FBXW10: variants seen among roughly 807,000 people sequenced by gnomAD.
FBXW10 encodes the protein F-box and WD repeat domain containing 10, also known as F-box/WD repeat-containing protein 10.
FBXW10 carries 68 observed loss-of-function variants against 113.1 expected under a neutral mutation model. That is an observed-to-expected ratio of 0.60 (90% CI 0.49 to 0.74). The LOEUF (loss-of-function observed/expected upper bound fraction) is 0.74. Ranked by LOEUF, FBXW10 falls within the 30% of genes least tolerant of loss-of-function variation. The probability of loss-of-function intolerance (pLI) is 0.00; values close to 1 mark genes in which losing one functional copy is unlikely to be tolerated. For missense variants in FBXW10, 753 were observed against 1,284.5 expected, an observed-to-expected ratio of 0.59 and a Z score of 6.32; for synonymous variants, 289 against 481.6, an observed-to-expected ratio of 0.60 and a Z score of 5.24.
At chr17:18,756,468 G>A (rs1036137225) in intron 6 of FBXW10, among the ~76,000 whole-genome samples, 1 of 151,618 alleles carries the variant, frequency 6.6e-6, no homozygotes, top group Non-Finnish European at 1.5e-5. Context: ...AATAATATAC[G>A]GTTATTGGAA....
chr17:18,751,808 C>T (rs543668594), intron 5 of FBXW10, among the ~76,000 whole-genome samples: 1 of 152,322 alleles, frequency 6.6e-6, no homozygotes, highest in East Asian at 1.9e-4. Flanking sequence ...TCGGCTCCCT[C>T]ATCCCTCACT....
At chr17:18,760,104 T>C (rs1023593236) in intron 7 of FBXW10, among the ~76,000 whole-genome samples, 38 of 152,166 alleles carry the variant, frequency 2.5e-4, no homozygotes, top group African/African-American at 9.2e-4. Flanking sequence ...TATGAGAATA[T>C]CTCTTCTTAT....
chr17:18,759,166 TC>T (rs2035331369), intron 7 of FBXW10, among the ~76,000 whole-genome samples: 1 of 151,796 alleles, frequency 6.6e-6, no homozygotes, highest in African/African-American at 2.4e-5. Context: ...CGAGACTCCA[TC>T]TCAAAAAAAA....
rs755097685 is a variant in FBXW10, at chr17:18,744,323, C to T, written c.79C>T (p.Arg27Trp). 36 of 1,613,306 alleles carry T rather than the reference C, an allele frequency of 2.2e-5. No homozygotes were observed. The highest frequency in any genetic ancestry group is 2.0e-4 in the South Asian group (18 of 91,048). The change falls in exon 1 of 14, where the codon CGG (arginine) becomes TGG (tryptophan). Residue 27 changes from arginine (R) to tryptophan (W), a missense_variant. Physicochemically the swap from Arg to Trp is moderately radical, Grantham distance 101 (BLOSUM62 -3). Coordinates refer to ENST00000395665, the MANE Select transcript of FBXW10 (RefSeq NM_001267585.2). ...GGGAACCGATTCCATCCCTCTATGC[C>T]GGAAGTGTGAGACGTGTGTCTTAGC... ...EKGTDSIPLC[R>W]KCETCVLAWK...
intron 7 of FBXW10, among the ~76,000 whole-genome samples, chr17:18,763,050 C>A (rs1192703597): frequency 3.3e-5 from 5 of 149,516 alleles, no homozygotes; most frequent in Non-Finnish European, 7.4e-5. Context: ...GGCTGCAAAA[C>A]CCTTGGGAAT....
Position 18,772,244 on chromosome 17 carries a change from G to A in FBXW10, c.2007-168G>A, listed in dbSNP as rs563475584. Among the ~76,000 whole-genome samples the A allele has an allele frequency of 4.6e-5, 7 of 152,276 alleles. 1 individual carries two copies. The South Asian group carries it at 1.5e-3, about 32-fold the overall frequency. On this transcript the variant is annotated intron_variant, in intron 11 of 13. Transcript: ENST00000395665. ...CTAACGACTCCTGCTGCATCTCCTG[G>A]TAACTTTCACCACTCTCCACCCTCC... is the stretch of plus-strand genomic sequence containing the variant.
intron 2 of FBXW10, among the ~76,000 whole-genome samples, chr17:18,749,063 A>G (rs978810893): frequency 1.3e-5 from 2 of 152,164 alleles, no homozygotes; most frequent in East Asian, 1.9e-4. Context: ...GGCTTCAACA[A>G]TTATCAACAC....
rs931883515 is a variant in FBXW10 at position 18,769,668 on chromosome 17, T to C, written c.1848-259T>C. On this transcript the variant is annotated intron_variant, in intron 10 of 13. Coordinates refer to ENST00000395665, the MANE Select transcript of FBXW10 (RefSeq NM_001267585.2). The stretch of plus-strand genomic sequence containing the variant: ...GGCGCATCACTGTAATCCCAGCTAC[T>C]TGGGAGACTGAGACAGGAGAATCGC... 14 of 422,082 alleles carry C rather than the reference T, an allele frequency of 3.3e-5. 1 individual carries two copies. The South Asian group carries it at 4.6e-4, about 14-fold the overall frequency. The allele number at this position is 422,082 out of a possible 1,614,324, so 26.1% of individuals were successfully genotyped here.
chr17:18,773,573 G>A (rs1312401438), intron 12 of FBXW10, among the ~76,000 whole-genome samples: 12 of 152,296 alleles, frequency 7.9e-5, no homozygotes, highest in Non-Finnish European at 2.9e-5. Flanking sequence ...CATTATGTGT[G>A]GGTTAGAGTA....
At chr17:18,753,286 A>G (rs1567616920) in intron 5 of FBXW10, among the ~76,000 whole-genome samples, 1 of 152,126 alleles carries the variant, frequency 6.6e-6, no homozygotes, top group Non-Finnish European at 1.5e-5. Flanking sequence ...ATTCAAGTGC[A>G]CTAAGATAGT....
rs775014083 is a variant in FBXW10 at position 18,768,659 on chromosome 17, G to T, written c.1830G>T (p.Met610Ile). The T allele has an allele frequency of 6.2e-7, 1 of 1,613,848 alleles. No homozygotes were observed. Among genetic ancestry groups the T allele is most frequent in the South Asian group, 1.1e-5 (1 of 91,072 alleles). ...TGGGGAAGTACGAGCGCTGCCTGAT[G>T]GCCTTCAAGCATCCCAAGTAGGTGC... is the stretch of plus-strand genomic sequence containing the variant. ...SMVGKYERCL[M>I]AFKHPKEVLD... The change falls in exon 10 of 14, where the codon ATG (methionine) becomes ATT (isoleucine). Residue 610 changes from methionine (M) to isoleucine (I), a missense_variant. Met to Ile is a conservative substitution (Grantham distance 10). Transcript: ENST00000395665.
At chr17:18,753,273 T>G (rs568642666) in intron 5 of FBXW10, among the ~76,000 whole-genome samples, 23 of 152,150 alleles carry the variant, frequency 1.5e-4, no homozygotes, top group African/African-American at 5.1e-4. Flanking sequence ...CACATTCCTT[T>G]CCATTCAAGT....
Position 18,772,556 on chromosome 17 carries a change from T to C in FBXW10, c.2151T>C (p.Ser717=). The C allele has an allele frequency of 6.2e-7, 1 of 1,614,072 alleles. No homozygotes were observed. The highest frequency in any genetic ancestry group is 1.1e-5 in the South Asian group (1 of 91,084). The change falls in exon 12 of 14, where the codon TCT becomes TCC. Residue 717 remains serine, a synonymous_variant. Coordinates refer to ENST00000395665, the MANE Select transcript of FBXW10 (RefSeq NM_001267585.2). ...AAAATAGTCTCATGGAAATTCTCTC[T>C]AAGTGTAATATTCAGGTTCACAGCC... ...KEENSLMEIL[S]KCNIQVHSPR...
intron 11 of FBXW10, among the ~76,000 whole-genome samples, chr17:18,771,226 C>A (rs2035607637): frequency 6.6e-6 from 1 of 152,168 alleles, no homozygotes; most frequent in Non-Finnish European, 1.5e-5. Flanking sequence ...GAATGACACC[C>A]CGCATTCCAT....
chr17:18,761,830 ATTTTCAAAT>A (rs2035390915), intron 7 of FBXW10, among the ~76,000 whole-genome samples: 1 of 152,090 alleles, frequency 6.6e-6, no homozygotes, highest in African/African-American at 2.4e-5. Context: ...TTTTGCTTAT[ATTTTCAAAT>A]TAGTTATTGC....
At chr17:18,744,913 T>G in intron 1 of FBXW10, 164 bp downstream of exon 1, 1 of 1,457,590 alleles carries the variant, frequency 6.9e-7, no homozygotes, top group Non-Finnish European at 9.0e-7. Flanking sequence ...CACCCGATCC[T>G]GTTTACCAAA....
At chr17:18,758,027 C>T (rs1297867739) in intron 6 of FBXW10, among the ~76,000 whole-genome samples, 1 of 152,236 alleles carries the variant, frequency 6.6e-6, no homozygotes, top group Non-Finnish European at 1.5e-5. Context: ...ACTCCATTCT[C>T]TCTCTTGGGG....
intron 5 of FBXW10, among the ~76,000 whole-genome samples, chr17:18,751,269 A>G (rs2035164811): frequency 6.7e-6 from 1 of 149,242 alleles, no homozygotes; most frequent in South Asian, 2.1e-4. Flanking sequence ...TATGTCACCC[A>G]GGCTGGAGTG....
At chr17:18,766,351 T>C (rs1363258207) in intron 8 of FBXW10, among the ~76,000 whole-genome samples, 1 of 152,040 alleles carries the variant, frequency 6.6e-6, no homozygotes, top group African/African-American at 2.4e-5. Context: ...TCAAGCTGTA[T>C]GCCATGATTT....
Sources: allele counts gnomAD v4.1 joint callset (sites outside exome capture counted in the v4.1 genomes callset), GRCh38; gene constraint gnomAD v4.1.1; transcripts MANE v1.5; gene names NCBI Gene and HGNC (gene_info 2026-07-23, HGNC 2026-07-21).